AUTS2: variants seen among roughly 807,000 people sequenced by gnomAD.
AUTS2 encodes the protein activator of transcription and developmental regulator AUTS2.
AUTS2 carries 17 observed loss-of-function variants against 112.4 expected under a neutral mutation model. The observed-to-expected ratio is 0.15, with a 90% CI of 0.10 to 0.23. AUTS2 has a LOEUF of 0.23. Ranked by LOEUF, AUTS2 falls within the 10% of genes least tolerant of loss-of-function variation. The pLI is 1.00. For synonymous variants in AUTS2, 751 were observed against 702.7 expected (o/e 1.07, Z -1.09); for missense variants, 1,510 against 1,701.6 (o/e 0.89, Z 1.98).
At chr7:69,932,671 T>G (rs966210744) in intron 2 of AUTS2, among the ~76,000 whole-genome samples, 2 of 152,204 alleles carry the variant, frequency 1.3e-5, no homozygotes, top group Non-Finnish European at 2.9e-5. Context: ...TGAGTTTGGC[T>G]TTGAACACTC....
At chr7:70,715,271 A>C (rs1309807883) in intron 6 of AUTS2, among the ~76,000 whole-genome samples, 1 of 152,218 alleles carries the variant, frequency 6.6e-6, no homozygotes, top group Non-Finnish European at 1.5e-5. Flanking sequence ...CTTTCAGTGC[A>C]TTGAGCTTTT....
intron 5 of AUTS2, among the ~76,000 whole-genome samples, chr7:70,527,810 CTG>C (rs1218852073): frequency 7.2e-5 from 11 of 152,174 alleles, no homozygotes; most frequent in Admixed American, 5.2e-4. Context: ...CCAATGGTAA[CTG>C]TATTCTCCAA....
intron 6 of AUTS2, among the ~76,000 whole-genome samples, chr7:70,733,708 T>TC (rs1264624920): frequency 1.3e-5 from 2 of 152,054 alleles, no homozygotes; most frequent in African/African-American, 4.8e-5. Flanking sequence ...TGCTTCAGCC[T>TC]CCCAAGTAGC....
rs1792070998 is a variant in AUTS2, at chr7:70,793,101, G to T, written c.*2105G>T. The stretch of plus-strand genomic sequence containing the variant: ...GCTTGTGGTTTGTTTTTTGAGGAGG[G>T]GGGGTTCTGTTAGTTTTTCGTATGT... On this transcript the variant is annotated 3_prime_UTR_variant, in exon 19 of 19. Transcript: ENST00000342771. The T allele has an allele frequency of 6.6e-6, 1 of 151,914 alleles. No homozygotes were observed. The highest frequency in any genetic ancestry group is 1.5e-5 in the Non-Finnish European group (1 of 68,024). The allele number at this position is 151,914 out of a possible 1,614,324, so 9.4% of individuals were successfully genotyped here. A position where few individuals can be genotyped will look rare whatever the true frequency, so the allele number is the denominator to read the frequency against.
intron 6 of AUTS2, among the ~76,000 whole-genome samples, chr7:70,719,742 G>A (rs1293423437): frequency 3.3e-5 from 5 of 152,082 alleles, no homozygotes; most frequent in Admixed American, 2.6e-4. Context: ...GATTACAGGC[G>A]TGAACCACCG....
At chr7:69,709,236 A>ATAT (rs1798201845) in intron 1 of AUTS2, among the ~76,000 whole-genome samples, 1 of 152,214 alleles carries the variant, frequency 6.6e-6, no homozygotes. Flanking sequence ...AATCTTTGCG[A>ATAT]AACCAGGCTC....
chr7:70,587,448 A>G (rs772799716), intron 5 of AUTS2, among the ~76,000 whole-genome samples: 6 of 152,268 alleles, frequency 3.9e-5, no homozygotes, highest in South Asian at 2.1e-4. Flanking sequence ...TCTACCCTCA[A>G]TGATGTTTGT....
At chr7:70,021,011 TAG>T (rs762402838) in intron 2 of AUTS2, among the ~76,000 whole-genome samples, 8 of 151,288 alleles carry the variant, frequency 5.3e-5, no homozygotes, top group African/African-American at 9.7e-5. Flanking sequence ...TTTTTTGAGA[TAG>T]AGTTTTGAGC....
chr7:70,652,445 C>G (rs1585443853), intron 5 of AUTS2, among the ~76,000 whole-genome samples: 2 of 152,172 alleles, frequency 1.3e-5, no homozygotes, highest in East Asian at 3.9e-4. Context: ...TATCTAGACA[C>G]AAGGAGTTCA....
intron 5 of AUTS2, among the ~76,000 whole-genome samples, chr7:70,666,658 T>C (rs934710669): frequency 6.6e-6 from 1 of 152,166 alleles, no homozygotes; most frequent in African/African-American, 2.4e-5. Context: ...CCACATTTTT[T>C]TTTATATATG....
chr7:69,742,096 C>T (rs910018369), intron 1 of AUTS2, among the ~76,000 whole-genome samples: 1 of 150,492 alleles, frequency 6.6e-6, no homozygotes, highest in African/African-American at 2.4e-5. Flanking sequence ...GCCACTGGTG[C>T]CCAGCCTATT....
chr7:70,281,059 TAATGAATG>T (rs962773213), intron 4 of AUTS2, among the ~76,000 whole-genome samples: 1 of 152,160 alleles, frequency 6.6e-6, no homozygotes, highest in African/African-American at 2.4e-5. Flanking sequence ...TGGAAAGTGA[TAATGAATG>T]AATGAATGAA....
At chr7:70,657,326 G>T (rs900111273) in intron 5 of AUTS2, among the ~76,000 whole-genome samples, 2 of 152,198 alleles carry the variant, frequency 1.3e-5, no homozygotes, top group African/African-American at 4.8e-5. Flanking sequence ...TTCCGAAGAG[G>T]CAGGGGAGCT....
rs116693063 is a variant in AUTS2, at chr7:70,038,066, A to C, written c.523-80066A>C. 3.0e-3 allele frequency among the ~76,000 whole-genome samples: 445 copies of C among 150,328 alleles called. 5 individuals are homozygous for C. Among genetic ancestry groups the C allele is most frequent in the African/African-American group, 0.011 (431 of 40,882 alleles). ...GGAATGAGGCAGTGGGTAGAGAAGGATATGTCCTGACCAATGGCATTGACA... is the reference window on the plus strand; with the variant it reads ...GGAATGAGGCAGTGGGTAGAGAAGGCTATGTCCTGACCAATGGCATTGACA... On this transcript the variant is annotated intron_variant, in intron 2 of 18. Transcript: ENST00000342771.
intron 5 of AUTS2, among the ~76,000 whole-genome samples, chr7:70,684,669 G>A (rs1284058126): frequency 6.6e-6 from 1 of 151,846 alleles, no homozygotes; most frequent in East Asian, 1.9e-4. Flanking sequence ...GTGTGGTGTG[G>A]TATGGTGTGT....
intron 2 of AUTS2, among the ~76,000 whole-genome samples, chr7:70,117,458 G>C (rs776833794): frequency 2.0e-5 from 3 of 151,724 alleles, no homozygotes; most frequent in Non-Finnish European, 4.4e-5. Context: ...AATCATAGTT[G>C]GTGTAATCTC....
intron 1 of AUTS2, among the ~76,000 whole-genome samples, chr7:69,687,719 TC>T (rs1425190607): frequency 1.3e-5 from 2 of 152,200 alleles, no homozygotes; most frequent in Non-Finnish European, 2.9e-5. Flanking sequence ...AATATGGTCA[TC>T]CTAACGCGTA....
chr7:69,903,785 A>G (rs892452792), intron 2 of AUTS2, among the ~76,000 whole-genome samples: 1 of 152,216 alleles, frequency 6.6e-6, no homozygotes, highest in Non-Finnish European at 1.5e-5. Flanking sequence ...GAATTTGTGA[A>G]TATTTCAGGA....
intron 1 of AUTS2, among the ~76,000 whole-genome samples, chr7:69,613,965 C>A (rs1336588266): frequency 1.3e-5 from 2 of 152,152 alleles, no homozygotes; most frequent in Non-Finnish European, 2.9e-5. Context: ...ATTGTTCTCT[C>A]CCATTTCCCA....
Sources: allele counts gnomAD v4.1 joint callset (sites outside exome capture counted in the v4.1 genomes callset), GRCh38; gene constraint gnomAD v4.1.1; transcripts MANE v1.5; gene names NCBI Gene and HGNC (gene_info 2026-07-23, HGNC 2026-07-21).